The following TMEFF2 variants were observed in gnomAD, a reference collection of about 807,000 sequenced individuals.
TMEFF2 encodes the protein tomoregulin-2.
TMEFF2 carries 28 observed loss-of-function variants against 53.8 expected under a neutral mutation model. That is an observed-to-expected ratio of 0.52 (90% CI 0.39 to 0.71). The LOEUF is 0.71. Among genes scored for constraint, TMEFF2 ranks in the 30% least tolerant of loss-of-function variants. TMEFF2 has a pLI of 0.00. For missense variants in TMEFF2, 353 were observed against 455.2 expected (o/e 0.78, Z 2.04); for synonymous variants, 162 against 166.3 (o/e 0.97, Z 0.20).
intron 7 of TMEFF2, among the ~76,000 whole-genome samples, chr2:191,966,450 T>A (rs1692473977): frequency 6.6e-6 from 1 of 152,210 alleles, no homozygotes; most frequent in Non-Finnish European, 1.5e-5. Context: ...GTATGGGAAC[T>A]TTAGTTCTAG....
chr2:192,170,909 C>A (rs1690896627), intron 4 of TMEFF2, among the ~76,000 whole-genome samples: 1 of 151,998 alleles, frequency 6.6e-6, no homozygotes, highest in Non-Finnish European at 1.5e-5. Flanking sequence ...AAAGCTGTAA[C>A]AAGTGAGTGT....
chr2:192,094,536 C>G (rs1372346393), intron 4 of TMEFF2, among the ~76,000 whole-genome samples: 1 of 151,956 alleles, frequency 6.6e-6, no homozygotes, highest in Non-Finnish European at 1.5e-5. Context: ...GGTCAATCTA[C>G]ACACCTCAAT....
chr2:191,996,151 A>G (rs1240563485), intron 7 of TMEFF2, among the ~76,000 whole-genome samples: 1 of 151,998 alleles, frequency 6.6e-6, no homozygotes, highest in African/African-American at 2.4e-5. Context: ...AATGGGCAAA[A>G]TGTTAACATG....
At chr2:192,156,600 T>G (rs1306840798) in intron 4 of TMEFF2, among the ~76,000 whole-genome samples, 3 of 152,076 alleles carry the variant, frequency 2.0e-5, no homozygotes. Flanking sequence ...AGAACAAGTT[T>G]CTGTTTATAA....
intron 4 of TMEFF2, among the ~76,000 whole-genome samples, chr2:192,067,039 A>G (rs1485671181): frequency 6.6e-6 from 1 of 151,894 alleles, no homozygotes; most frequent in Non-Finnish European, 1.5e-5. Context: ...GGAGATTGAG[A>G]AAAGCCTGGG....
chr2:192,172,655 G>T (rs949907542), intron 4 of TMEFF2, among the ~76,000 whole-genome samples: 2 of 151,942 alleles, frequency 1.3e-5, no homozygotes, highest in African/African-American at 4.8e-5. Flanking sequence ...AGAATAGTTG[G>T]CAATCATTAA....
intron 4 of TMEFF2, among the ~76,000 whole-genome samples, chr2:192,066,581 A>C (rs186058789): frequency 6.6e-6 from 1 of 152,020 alleles, no homozygotes; most frequent in Admixed American, 6.6e-5. Context: ...ATCACATATA[A>C]TTTATCTTTG....
chr2:192,015,614 G>A (rs1172993607), intron 5 of TMEFF2, among the ~76,000 whole-genome samples: 1 of 151,978 alleles, frequency 6.6e-6, no homozygotes, highest in Non-Finnish European at 1.5e-5. Context: ...AAATAAAAGG[G>A]CAACTATATT....
intron 7 of TMEFF2, among the ~76,000 whole-genome samples, chr2:191,983,113 A>T (rs1360848703): frequency 6.6e-6 from 1 of 152,196 alleles, no homozygotes; most frequent in African/African-American, 2.4e-5. Flanking sequence ...AATGCTTTAA[A>T]AACACAATGC....
At chr2:191,981,182 T>A (rs1685844343) in intron 7 of TMEFF2, among the ~76,000 whole-genome samples, 1 of 152,154 alleles carries the variant, frequency 6.6e-6, no homozygotes, top group South Asian at 2.1e-4. Flanking sequence ...GGAAAGAGAC[T>A]TAATTGAAGC....
intron 4 of TMEFF2, among the ~76,000 whole-genome samples, chr2:192,109,202 T>G (rs1689219750): frequency 6.6e-6 from 1 of 152,040 alleles, no homozygotes; most frequent in African/African-American, 2.4e-5. Flanking sequence ...CCAGTAAATA[T>G]ATATCAAGAA....
chr2:192,114,777 T>C (rs76978128), intron 4 of TMEFF2, among the ~76,000 whole-genome samples: 6,440 of 151,950 alleles, frequency 0.042, 195 homozygotes, highest in Middle Eastern at 0.1. Context: ...AAAGAAATTA[T>C]AGAAGACACA....
chr2:192,018,142 G>A (rs1237629260), intron 5 of TMEFF2, among the ~76,000 whole-genome samples: 1 of 152,150 alleles, frequency 6.6e-6, no homozygotes, highest in Non-Finnish European at 1.5e-5. Context: ...AATTCTACTG[G>A]AGTCTGTAAG....
chr2:192,077,502 C>A (rs1209777203), intron 4 of TMEFF2, among the ~76,000 whole-genome samples: 1 of 151,930 alleles, frequency 6.6e-6, no homozygotes, highest in Non-Finnish European at 1.5e-5. Context: ...CTTCCTCAAA[C>A]TTTTAGGTGA....
intron 7 of TMEFF2, among the ~76,000 whole-genome samples, chr2:191,987,998 A>G (rs1458907235): frequency 6.6e-6 from 1 of 152,194 alleles, no homozygotes; most frequent in African/African-American, 2.4e-5. Context: ...TAACATTACA[A>G]TTAGCTATGT....
intron 5 of TMEFF2, among the ~76,000 whole-genome samples, chr2:192,047,512 G>C (rs1210724977): frequency 6.6e-6 from 1 of 152,140 alleles, no homozygotes; most frequent in East Asian, 1.9e-4. Flanking sequence ...ATAAATAAAA[G>C]AGAGCTGTGG....
At chr2:191,999,398 T>TCAAA (rs1488686057) in intron 5 of TMEFF2, among the ~76,000 whole-genome samples, 190 bp from the exon 6 acceptor site, 2 of 138,488 alleles carry the variant, frequency 1.4e-5, no homozygotes, top group African/African-American at 2.7e-5. Context: ...GGAAAATAAT[T>TCAAA]CAAACAACTG....
At chr2:192,168,190 C>T (rs1690817140) in intron 4 of TMEFF2, among the ~76,000 whole-genome samples, 1 of 152,056 alleles carries the variant, frequency 6.6e-6, no homozygotes, top group Admixed American at 6.6e-5. Context: ...AAGTAAGAGA[C>T]TTTCTAGATA....
chr2:191,953,794 A>G lies in TMEFF2; in HGVS notation c.913T>C (p.Tyr305His). The G allele has an allele frequency of 6.2e-7, 1 of 1,609,294 alleles. No homozygotes were observed. Among genetic ancestry groups the G allele is most frequent in the Non-Finnish European group, 8.5e-7 (1 of 1,176,872 alleles). The change falls in exon 9 of 10, where the codon TAC becomes CAC. Residue 305 changes from tyrosine to histidine, a missense_variant. Tyr to His is a moderately conservative substitution (Grantham distance 83). This residue lies in a region of TMEFF2 where 294 missense variants were observed against 397.3 expected (regional missense o/e 0.74). Transcript: ENST00000272771. ...CCGGGAACAACGTATAGAACACTGT[A>G]GTCCTTTTTTTCACAGTGTTGTCCA... ...YTGQHCEKKD[Y>H]SVLYVVPGPV...
Sources: gnomAD v4.1 joint callset for allele counts (sites outside exome capture counted in the v4.1 genomes callset) on GRCh38, gnomAD v4.1.1 for gene constraint, gnomAD v4.1.1 regional missense constraint, MANE v1.5 for transcripts, NCBI Gene and HGNC (gene_info 2026-07-23, HGNC 2026-07-21) for gene names.